The following LMO4 variants were observed in gnomAD, a reference collection of about 807,000 sequenced individuals.
The protein encoded by LMO4 is LIM domain only 4, also known as LIM domain transcription factor LMO4.
Under a neutral mutation model 18.5 loss-of-function variants are expected in LMO4, and 3 were observed. That is an observed-to-expected ratio of 0.16 (90% CI 0.07 to 0.42). The LOEUF is 0.42. LMO4 is among the 10% of genes least tolerant of loss of function. LMO4 has a pLI of 0.99. For missense variants in LMO4, 121 were observed against 219.9 expected (o/e 0.55, Z 2.84); for synonymous variants, 100 against 88.1 (o/e 1.14, Z -0.76).
In LMO4 at chr1:87,344,777, A is replaced by G. The variant is rs760049356; in HGVS notation, c.490-11A>G. ...CATTTTAGCTAAGATGCCCGTTTTT[A>G]TTTCTTGCAGGTCTGCTAAAAGGTC... On this transcript the variant is annotated splice_polypyrimidine_tract_variant and intron_variant, in intron 4 of 4. Coordinates refer to ENST00000370544, the MANE Select transcript of LMO4 (RefSeq NM_006769.4). The G allele has an allele frequency of 2.5e-6, 4 of 1,613,790 alleles. No homozygotes were observed. The African/African-American group carries it at 4.0e-5, about 16-fold the overall frequency.
chr1:87,331,965 C>A, intron 1 of LMO4, 48 bp from the exon 2 acceptor site: 1 of 1,452,036 alleles, frequency 6.9e-7, no homozygotes, highest in South Asian at 1.2e-5. Context: ...ACTTTTGCAT[C>A]GCCCCTGTTT....
chr1:87,329,792 T>G (rs142264097), intron 1 of LMO4, among the ~76,000 whole-genome samples: 119 of 152,272 alleles, frequency 7.8e-4, no homozygotes, highest in Non-Finnish European at 1.4e-3. Flanking sequence ...AATCAAGACA[T>G]GAATTAAGCA....
chr1:87,332,397 G>T, intron 2 of LMO4, 146 bp downstream of exon 2: 1 of 644,146 alleles, frequency 1.6e-6, no homozygotes, highest in Non-Finnish European at 2.8e-6. Flanking sequence ...AATTTAAGGG[G>T]TTCAGGAAGC....
At chr1:87,330,199 C>CAA (rs147603414) in intron 1 of LMO4, among the ~76,000 whole-genome samples, 23 of 146,666 alleles carry the variant, frequency 1.6e-4, no homozygotes, top group African/African-American at 2.7e-4. Context: ...GTTTCCTTTT[C>CAA]AAAAAAAAAA....
intron 2 of LMO4, among the ~76,000 whole-genome samples, chr1:87,336,607 A>G (rs1023863334): frequency 1.3e-5 from 2 of 152,234 alleles, no homozygotes; most frequent in Non-Finnish European, 2.9e-5. Flanking sequence ...TTTAAAGTGC[A>G]GTGGTTTGGT....
At chr1:87,335,597 G>T (rs1421857001) in intron 2 of LMO4, among the ~76,000 whole-genome samples, 2 of 152,148 alleles carry the variant, frequency 1.3e-5, no homozygotes, top group Non-Finnish European at 2.9e-5. Context: ...CGAGGGTGGG[G>T]AGAATTGGTA....
intron 1 of LMO4, among the ~76,000 whole-genome samples, chr1:87,330,961 A>T (rs1056282913): frequency 1.4e-5 from 2 of 145,480 alleles, no homozygotes; most frequent in African/African-American, 5.1e-5. Context: ...TAGAGTGGGG[A>T]ATTCTTTTTT....
At chr1:87,340,359 A>G (rs1650442463) in intron 4 of LMO4, among the ~76,000 whole-genome samples, 157 bp downstream of exon 4, 1 of 152,216 alleles carries the variant, frequency 6.6e-6, no homozygotes, top group Non-Finnish European at 1.5e-5. Flanking sequence ...CAGAAGTAGG[A>G]TAGCTGATTA....
rs1252658036 is a variant in LMO4, at chr1:87,332,021, G to C, written c.6G>C (p.Val2=). 7.4e-6 allele frequency: 12 copies of C among 1,611,794 alleles called. No individual in the cohort carries two copies. Among genetic ancestry groups the C allele is most frequent in the Non-Finnish European group, 1.0e-5 (12 of 1,179,646 alleles). Residue 2 remains valine (V), a synonymous_variant, in exon 2 of 5, where the codon GTG becomes GTC. Coordinates refer to ENST00000370544, the MANE Select transcript of LMO4 (RefSeq NM_006769.4). M[V]NPGSSSQPPP... ...CTTCCCGCCCTCTGCAGACCATGGT[G>C]AATCCGGGCAGCAGCTCGCAGCCGC...
intron 2 of LMO4, among the ~76,000 whole-genome samples, chr1:87,337,804 G>T (rs946290675): frequency 2.0e-5 from 3 of 152,156 alleles, no homozygotes; most frequent in African/African-American, 7.2e-5. Flanking sequence ...GACACCGGGA[G>T]GTCCTCATCA....
In LMO4 at chr1:87,345,406, AAAAG is replaced by A. The variant is rs1219947849; in HGVS notation, c.*614_*617del. 1.3e-5 allele frequency: 2 copies of A among 151,940 alleles called. No homozygotes were observed. The highest frequency in any genetic ancestry group is 2.4e-5 in the African/African-American group (1 of 41,208). 9.4% of individuals were successfully genotyped at this position (151,940 alleles called of 1,614,324 possible). ...GGCAAAGAAAAAAAAAAGAATGAAA[AAAAG>A]AAAAAAATTTGGAAAAAAAAATCAG... On this transcript the variant is annotated 3_prime_UTR_variant, in exon 5 of 5. Transcript: ENST00000370544.
chr1:87,344,936 G>C lies in LMO4; in HGVS notation c.*140G>C, dbSNP rs1650587353. 1.3e-6 allele frequency: 1 copy of C among 761,566 alleles called. No individual in the cohort carries two copies. Among genetic ancestry groups the C allele is most frequent in the Non-Finnish European group, 2.3e-6 (1 of 443,602 alleles). 47.2% of individuals were successfully genotyped at this position (761,566 alleles called of 1,614,324 possible). A position where few individuals can be genotyped will look rare whatever the true frequency, so the allele number is the denominator to read the frequency against. The stretch of plus-strand genomic sequence containing the variant: ...ATGCCATTGCACCTTCTTTAGTCTT[G>C]ATTGCCCTTCCCGCATTTATTGGTG... On this transcript the variant is annotated 3_prime_UTR_variant, in exon 5 of 5. Coordinates refer to ENST00000370544, the MANE Select transcript of LMO4 (RefSeq NM_006769.4).
rs370580836 is a variant in LMO4 at position 87,339,551 on chromosome 1, C to T, written c.252C>T (p.Ser84=). 97 of 1,612,898 alleles carry T rather than the reference C, an allele frequency of 6.0e-5. 1 individual carries two copies. The highest frequency in any genetic ancestry group is 3.3e-4 in the Middle Eastern group (2 of 6,052). Residue 84 remains serine (S), a synonymous_variant, in exon 3 of 5, where the codon AGC becomes AGT. Transcript: ENST00000370544. Reference sequence around the variant, plus strand: ...TTTGTTTCAGGTTATTTGGAAATAGCGGTGCTTGCAGCGCTTGCGGACAGT... The same window carrying T: ...TTTGTTTCAGGTTATTTGGAAATAGTGGTGCTTGCAGCGCTTGCGGACAGT... ...RNDYIRLFGN[S]GACSACGQSI... is the part of the protein sequence containing the mutation.
rs1001795250 is a variant in LMO4 at position 87,347,475 on chromosome 1, A to G, written c.*2679A>G. ...CATTGCTTAGGAAAAAAAAAAATCT[A>G]TGAGTTTATTCCACCTTTCATCCAT... On this transcript the variant is annotated 3_prime_UTR_variant, in exon 5 of 5. Transcript: ENST00000370544. The G allele has an allele frequency of 1.3e-5, 2 of 152,242 alleles. No homozygotes were observed. The highest frequency in any genetic ancestry group is 1.9e-4 in the East Asian group (1 of 5,190). 9.4% of individuals were successfully genotyped at this position (152,242 alleles called of 1,614,324 possible).
intron 2 of LMO4, among the ~76,000 whole-genome samples, chr1:87,336,893 C>G (rs1570652020): frequency 6.6e-6 from 1 of 152,230 alleles, no homozygotes. Flanking sequence ...CACCTAAAGC[C>G]TCGAGCCTTT....
chr1:87,340,382 T>C (rs1227026747), intron 4 of LMO4, among the ~76,000 whole-genome samples, 180 bp downstream of exon 4: 1 of 152,130 alleles, frequency 6.6e-6, no homozygotes, highest in Non-Finnish European at 1.5e-5. Context: ...TTGTGAATCC[T>C]TTCTAGTTAA....
At chr1:87,340,251 G>T (rs1358711833) in intron 4 of LMO4, 49 bp downstream of exon 4, 4 of 1,578,536 alleles carry the variant, frequency 2.5e-6, no homozygotes, top group South Asian at 1.1e-5. Context: ...AAGTTGGAAG[G>T]TTCAACCTCT....
At chr1:87,334,382 CT>C (rs970856858) in intron 2 of LMO4, among the ~76,000 whole-genome samples, 1 of 152,302 alleles carries the variant, frequency 6.6e-6, no homozygotes, top group African/African-American at 2.4e-5. Flanking sequence ...TTACTGAAGT[CT>C]TCCTTCAGTG....
intron 2 of LMO4, among the ~76,000 whole-genome samples, chr1:87,338,916 CAA>C (rs1026469319): frequency 2.0e-5 from 3 of 152,122 alleles, no homozygotes; most frequent in African/African-American, 7.2e-5. Flanking sequence ...ATTTCATTAT[CAA>C]GAGAGAGAGA....
Sources: allele counts gnomAD v4.1 joint callset (sites outside exome capture counted in the v4.1 genomes callset), GRCh38; gene constraint gnomAD v4.1.1; transcripts MANE v1.5; gene names NCBI Gene and HGNC (gene_info 2026-07-23, HGNC 2026-07-21).